The following ACTR3C variants were observed in gnomAD, a reference collection of about 807,000 sequenced individuals.
ACTR3C encodes actin-related protein 3C.
ACTR3C carries 18 observed loss-of-function variants against 26.3 expected under a neutral mutation model. The observed-to-expected ratio is 0.68, with a 90% CI of 0.47 to 1.01. The LOEUF (loss-of-function observed/expected upper bound fraction) is 1.01, where lower values mean the gene tolerates loss of function less well. Among genes scored for constraint, ACTR3C ranks in the 50% least tolerant of loss-of-function variants. The probability of loss-of-function intolerance (pLI) is 0.00; values close to 1 mark genes in which losing one functional copy is unlikely to be tolerated. For missense variants in ACTR3C, 184 were observed against 250.7 expected (o/e 0.73, Z 1.80); for synonymous variants, 55 against 94.5 (o/e 0.58, Z 2.42).
the ACTR3C span, among the ~76,000 whole-genome samples, chr7:150,060,679 C>T: frequency 1.2e-3 from 182 of 152,174 alleles, no homozygotes; most frequent in Non-Finnish European, 5.0e-4. Context: ...AGCTTGACCT[C>T]GCCACTTGGG....
chr7:150,110,716 G>A, the ACTR3C span, among the ~76,000 whole-genome samples: 3 of 149,464 alleles, frequency 2.0e-5, no homozygotes, highest in Non-Finnish European at 4.5e-5. Context: ...GGGACTGCCT[G>A]AGGGTGGGGC....
At chr7:150,042,642 A>C in the ACTR3C span, among the ~76,000 whole-genome samples, 1 of 151,786 alleles carries the variant, frequency 6.6e-6, no homozygotes, top group Non-Finnish European at 1.5e-5. Context: ...GATGGATCTC[A>C]GCCATCACAA....
the ACTR3C span, among the ~76,000 whole-genome samples, chr7:150,157,451 G>A: frequency 6.6e-6 from 1 of 151,112 alleles, no homozygotes; most frequent in African/African-American, 2.5e-5. Flanking sequence ...TCACCCAACT[G>A]GGAGATGTGA....
the ACTR3C span, among the ~76,000 whole-genome samples, chr7:149,995,480 G>T: frequency 6.6e-6 from 1 of 152,250 alleles, no homozygotes; most frequent in Non-Finnish European, 1.5e-5. Context: ...GGCTCTAGCT[G>T]GATACTCGCA....
the ACTR3C span, among the ~76,000 whole-genome samples, chr7:150,141,096 C>A: frequency 6.6e-6 from 1 of 152,202 alleles, no homozygotes; most frequent in African/African-American, 2.4e-5. Context: ...GAGGAAGCTG[C>A]AGAAGAAAAG....
At chr7:150,048,279 C>T in the ACTR3C span, among the ~76,000 whole-genome samples, 65 of 152,318 alleles carry the variant, frequency 4.3e-4, 1 homozygote, top group South Asian at 0.013. Context: ...GCGCTCTCCT[C>T]GCTCCCCGCC....
the ACTR3C span, among the ~76,000 whole-genome samples, chr7:150,127,921 G>A: frequency 6.6e-6 from 1 of 151,668 alleles, no homozygotes; most frequent in Non-Finnish European, 1.5e-5. Flanking sequence ...ATTCCTAAAT[G>A]TCTTCACGTG....
At chr7:149,895,296 A>G in the ACTR3C span, among the ~76,000 whole-genome samples, 2 of 151,600 alleles carry the variant, frequency 1.3e-5, no homozygotes, top group Non-Finnish European at 2.9e-5. Flanking sequence ...CTACAGTTAG[A>G]TAGGAGAAAT....
downstream of ACTR3C, among the ~76,000 whole-genome samples, chr7:150,239,534 CTCTCTCTATATATA>C (rs1832059072): frequency 8.4e-6 from 1 of 118,414 alleles, no homozygotes; most frequent in African/African-American, 3.8e-5. Flanking sequence ...CTCTCTCTCT[CTCTCTCTATATATA>C]TATATATATA....
At chr7:150,212,689 C>A in the ACTR3C span, among the ~76,000 whole-genome samples, 4 of 152,182 alleles carry the variant, frequency 2.6e-5, no homozygotes, top group African/African-American at 9.7e-5. Flanking sequence ...ACTAGACATG[C>A]CCTTGCTAAC....
chr7:150,110,328 A>C, the ACTR3C span, among the ~76,000 whole-genome samples: 3 of 151,496 alleles, frequency 2.0e-5, no homozygotes, highest in Non-Finnish European at 4.4e-5. Context: ...GTTCTAGGGC[A>C]GAAGGATGTC....
At chr7:150,169,919 TCTTC>T in the ACTR3C span, among the ~76,000 whole-genome samples, 1 of 150,564 alleles carries the variant, frequency 6.6e-6, no homozygotes, top group Non-Finnish European at 1.5e-5. Flanking sequence ...CTTCTTCTCT[TCTTC>T]CTTCATTTTT....
At chr7:150,218,922 A>G in the ACTR3C span, among the ~76,000 whole-genome samples, 1 of 150,030 alleles carries the variant, frequency 6.7e-6, no homozygotes, top group Non-Finnish European at 1.5e-5. Context: ...TTTCCTGTAG[A>G]TATTAAGTAA....
At chr7:150,033,071 G>C in the ACTR3C span, among the ~76,000 whole-genome samples, 1 of 152,320 alleles carries the variant, frequency 6.6e-6, no homozygotes, top group South Asian at 2.1e-4. Context: ...ATCAAGACCA[G>C]GAGGTTCTGC....
At chr7:150,090,691 T>C in the ACTR3C span, among the ~76,000 whole-genome samples, 72,447 of 131,576 alleles carry the variant, frequency 0.55, 20,984 homozygotes, top group East Asian at 0.8. Context: ...ATTACCTATG[T>C]GACTTTAGGC....
At chr7:150,134,666 C>T in the ACTR3C span, among the ~76,000 whole-genome samples, 2 of 152,420 alleles carry the variant, frequency 1.3e-5, no homozygotes, top group African/African-American at 2.4e-5. Context: ...CCAGAGGGGT[C>T]GCTTTCATGA....
the ACTR3C span, among the ~76,000 whole-genome samples, chr7:150,011,051 C>T: frequency 2.0e-5 from 3 of 148,224 alleles, no homozygotes; most frequent in African/African-American, 7.4e-5. Flanking sequence ...TGCTATGGCT[C>T]CTGTGTCTAG....
chr7:150,206,776 CT>C, the ACTR3C span, among the ~76,000 whole-genome samples: 4 of 152,160 alleles, frequency 2.6e-5, no homozygotes, highest in Non-Finnish European at 5.9e-5. Context: ...TGAATAACAC[CT>C]GTATTACACA....
At chr7:150,219,038 T>C in the ACTR3C span, among the ~76,000 whole-genome samples, 284 of 152,162 alleles carry the variant, frequency 1.9e-3, no homozygotes, top group Non-Finnish European at 3.0e-3. Context: ...AGAAAATGCT[T>C]GATATTACTT....
Sources: allele counts gnomAD v4.1 joint callset (sites outside exome capture counted in the v4.1 genomes callset), GRCh38; gene constraint gnomAD v4.1.1; transcripts MANE v1.5; gene names NCBI Gene and HGNC (gene_info 2026-07-23, HGNC 2026-07-21).